The following NFXL1 variants were observed in gnomAD, a reference collection of about 807,000 sequenced individuals.
NFXL1 encodes the protein nuclear transcription factor, X-box binding like 1.
Under a neutral mutation model 123.3 loss-of-function variants are expected in NFXL1, and 66 were observed. The ratio of observed to expected loss-of-function variants is 0.54; its 90% CI spans 0.44 to 0.66. NFXL1 has a LOEUF of 0.66. NFXL1 is among the 30% of genes least tolerant of loss of function. NFXL1 has a pLI of 0.00. For missense variants in NFXL1, 944 were observed against 1,125.6 expected (o/e 0.84, Z 2.31); for synonymous variants, 346 against 360.8 (o/e 0.96, Z 0.46).
rs1311021660 is a variant in NFXL1 at position 47,903,248 on chromosome 4, G to C, written c.592C>G (p.Leu198Val). Residue 198 changes from leucine (L) to valine (V), a missense_variant, in exon 5 of 23, where the codon CTT becomes GTT. Transcript: ENST00000507489. The stretch of plus-strand genomic sequence containing the variant: ...TCATCATCAGTCACAGAAGATACAA[G>C]AAACTGGCTGTCTTTAGCCCACTTC... ...IQKWAKDSQF[L>V]VSSVTDDDFG... 1 of 1,600,100 alleles carries C rather than the reference G, an allele frequency of 6.2e-7. No individual in the cohort carries two copies. The highest frequency in any genetic ancestry group is 1.4e-5 in the African/African-American group (1 of 73,910).
At chr4:47,912,461 C>CTT (rs11344755) in intron 2 of NFXL1, among the ~76,000 whole-genome samples, 45 of 117,848 alleles carry the variant, frequency 3.8e-4, no homozygotes, top group Middle Eastern at 4.3e-3. Context: ...TCTTTTCTTT[C>CTT]TTTTTTTTTT....
In NFXL1 at chr4:47,875,206, G is replaced by C; in HGVS notation, c.2167C>G (p.Pro723Ala). The C allele has an allele frequency of 6.2e-7, 1 of 1,612,618 alleles. No homozygotes were observed. The highest frequency in any genetic ancestry group is 1.1e-5 in the South Asian group (1 of 90,984). ...CLHPCILRCH[P>A]GECPPCVQML... ...TGAACACAAGGTGGACATTCTCCAG[G>C]GTGACATCGCAAAATACATGGGTGA... Residue 723 changes from proline to alanine, a missense_variant, in exon 18 of 23, where the codon CCT (proline) becomes GCT (alanine). Transcript: ENST00000507489.
At chr4:47,858,877 T>G (rs1734566150) in intron 19 of NFXL1, among the ~76,000 whole-genome samples, 1 of 152,190 alleles carries the variant, frequency 6.6e-6, no homozygotes, top group Non-Finnish European at 1.5e-5. Context: ...TTATGTATTT[T>G]TAGGTATATA....
chr4:47,877,780 G>C (rs1245719891), intron 17 of NFXL1, among the ~76,000 whole-genome samples: 1 of 151,876 alleles, frequency 6.6e-6, no homozygotes, highest in African/African-American at 2.4e-5. Context: ...AATAACATAA[G>C]TCATATTAAT....
intron 20 of NFXL1, among the ~76,000 whole-genome samples, chr4:47,853,970 G>C (rs1415741827): frequency 6.6e-6 from 1 of 152,076 alleles, no homozygotes; most frequent in Admixed American, 6.6e-5. Context: ...GTACTAACGG[G>C]TGGGTGGCAT....
At chr4:47,870,683 C>A (rs1735378739) in intron 18 of NFXL1, among the ~76,000 whole-genome samples, 1 of 151,984 alleles carries the variant, frequency 6.6e-6, no homozygotes, top group Non-Finnish European at 1.5e-5. Flanking sequence ...AAACAGAGAG[C>A]CTAGAAGCAA....
At chr4:47,889,548 C>G (rs1188345579) in intron 12 of NFXL1, among the ~76,000 whole-genome samples, 3 of 152,136 alleles carry the variant, frequency 2.0e-5, no homozygotes, top group Non-Finnish European at 4.4e-5. Flanking sequence ...TGCAGGATTT[C>G]TGAAAGGATA....
chr4:47,899,068 T>G lies in NFXL1; in HGVS notation c.879A>C (p.Lys293Asn). The G allele has an allele frequency of 6.2e-7, 1 of 1,613,190 alleles. No homozygotes were observed. Among genetic ancestry groups the G allele is most frequent in the Non-Finnish European group, 8.5e-7 (1 of 1,179,896 alleles). Reference protein sequence around the residue: ...KMVTTTCYCKKAKPIPRRCSA... With the variant: ...KMVTTTCYCKNAKPIPRRCSA... Reference sequence around the variant, plus strand: ...TGCACCTACGAGGGATAGGTTTTGCTTTCTTACAGTAACAAGTAGTTGTGA... The same window carrying G: ...TGCACCTACGAGGGATAGGTTTTGCGTTCTTACAGTAACAAGTAGTTGTGA... Residue 293 changes from lysine to asparagine, a missense_variant, in exon 7 of 23, where the codon AAA becomes AAC. Physicochemically the swap from Lys to Asn is moderately conservative, Grantham distance 94. Around this residue, in one of 4 missense-constraint regions of NFXL1, gnomAD observed 296 missense variants for 395.1 expected, o/e 0.75. Transcript: ENST00000507489.
rs1159214228 is a variant in NFXL1 at position 47,891,278 on chromosome 4, G to A, written c.1453-575C>T. On this transcript the variant is annotated intron_variant, in intron 11 of 22. Transcript: ENST00000507489. ...ATGCTCTCCCCACCACACCTCAGTA[G>A]TTTGTGTATTTTTGGTAGAGATGGA... 3.3e-5 allele frequency among the ~76,000 whole-genome samples: 5 copies of A among 151,912 alleles called. No homozygotes were observed. The East Asian group carries it at 9.7e-4, about 29-fold the overall frequency.
At chr4:47,868,907 C>T (rs56084299) in intron 18 of NFXL1, among the ~76,000 whole-genome samples, 52,638 of 152,054 alleles carry the variant, frequency 0.35, 10,276 homozygotes, top group Non-Finnish European at 0.44. Flanking sequence ...AAAACTACAG[C>T]AGCTGCAAAG....
Position 47,899,403 on chromosome 4 carries a change from AAGG to A in NFXL1, c.790_792del (p.Pro264del). On this transcript the variant is annotated inframe_deletion, in exon 6 of 23. Transcript: ENST00000507489. The stretch of plus-strand genomic sequence containing the variant: ...CAGAGGAGTAAACATTTATGGCCAC[AAGG>A]AGGTTTAAATTCACGCTCACATACT... The A allele has an allele frequency of 6.2e-7, 1 of 1,613,950 alleles. No homozygotes were observed. The highest frequency in any genetic ancestry group is 8.5e-7 in the Non-Finnish European group (1 of 1,179,884).
intron 17 of NFXL1, among the ~76,000 whole-genome samples, chr4:47,878,207 TCTTA>T (rs1208719182): frequency 3.9e-5 from 6 of 152,202 alleles, no homozygotes; most frequent in African/African-American, 1.2e-4. Context: ...GAGGTGATAC[TCTTA>T]CTTACTATCT....
intron 10 of NFXL1, 33 bp from the exon 11 acceptor site, chr4:47,894,335 AT>A: frequency 1.3e-6 from 2 of 1,509,982 alleles, no homozygotes; most frequent in Non-Finnish European, 8.9e-7. Context: ...ATTAAAATTG[AT>A]TTTTGTTAAT....
chr4:47,885,699 T>G, intron 13 of NFXL1, 42 bp from the exon 14 acceptor site: 2 of 1,540,444 alleles, frequency 1.3e-6, no homozygotes, highest in South Asian at 2.3e-5. Context: ...CTTTTAGTCA[T>G]TGAATAATTA....
intron 15 of NFXL1, among the ~76,000 whole-genome samples, chr4:47,882,077 C>T (rs1736145309): frequency 6.6e-6 from 1 of 152,152 alleles, no homozygotes; most frequent in South Asian, 2.1e-4. Context: ...GGTTTCTCAA[C>T]TGTAAATTGT....
intron 3 of NFXL1, among the ~76,000 whole-genome samples, chr4:47,906,918 G>A (rs1329156552): frequency 6.6e-6 from 1 of 152,152 alleles, no homozygotes; most frequent in East Asian, 1.9e-4. Flanking sequence ...GTATGTGGAG[G>A]CCAAGACTGA....
rs1738013794 is a variant in NFXL1, at chr4:47,914,459, C to A, written c.-97G>T. ...GAAATAAACCGCGGAGCAAGAAGCA[C>A]ACAGTGCCGAAGACAGAAAGCCGGA... On this transcript the variant is annotated 5_prime_UTR_variant, in exon 1 of 23. Coordinates refer to ENST00000507489, the MANE Select transcript of NFXL1 (RefSeq NM_001278624.2). 2.3e-6 allele frequency: 1 copy of A among 434,444 alleles called. No homozygotes were observed. The highest frequency in any genetic ancestry group is 4.1e-6 in the Non-Finnish European group (1 of 243,274). 26.9% of individuals were successfully genotyped at this position (434,444 alleles called of 1,614,324 possible).
intron 18 of NFXL1, among the ~76,000 whole-genome samples, chr4:47,873,450 G>C (rs1475780588): frequency 6.6e-6 from 1 of 152,174 alleles, no homozygotes; most frequent in Non-Finnish European, 1.5e-5. Context: ...ACTGCAGAAT[G>C]GATGTTGTGT....
At chr4:47,893,172 G>A (rs1385492056) in intron 11 of NFXL1, among the ~76,000 whole-genome samples, 1 of 151,826 alleles carries the variant, frequency 6.6e-6, no homozygotes, top group African/African-American at 2.4e-5. Flanking sequence ...AACAGAAACA[G>A]ACTGAAAAAT....
Sources: gnomAD v4.1 joint callset for allele counts (sites outside exome capture counted in the v4.1 genomes callset) on GRCh38, gnomAD v4.1.1 for gene constraint, gnomAD v4.1.1 regional missense constraint, MANE v1.5 for transcripts, NCBI Gene and HGNC (gene_info 2026-07-23, HGNC 2026-07-21) for gene names.